GPC5: variants seen among roughly 807,000 people sequenced by gnomAD.
GPC5 encodes glypican 5, also known as glypican-5.
GPC5 carries 47 observed loss-of-function variants against 53.9 expected under a neutral mutation model. That is an observed-to-expected ratio of 0.87 (90% CI 0.69 to 1.11). GPC5 has a LOEUF of 1.11. Ranked by LOEUF, GPC5 falls within the 50% of genes most tolerant of loss-of-function variation. The pLI is 0.00. For missense variants in GPC5, 748 were observed against 713.1 expected, an observed-to-expected ratio of 1.05 and a Z score of -0.56; for synonymous variants, 286 against 263.3, an observed-to-expected ratio of 1.09 and a Z score of -0.84.
chr13:92,742,796 A>G (rs1297141151), intron 7 of GPC5, among the ~76,000 whole-genome samples: 1 of 152,124 alleles, frequency 6.6e-6, no homozygotes, highest in Non-Finnish European at 1.5e-5. Context: ...AGCTTTCTAC[A>G]TATGGCTAGC....
intron 6 of GPC5, among the ~76,000 whole-genome samples, chr13:92,102,438 GT>G: frequency 6.6e-6 from 1 of 152,256 alleles, no homozygotes; most frequent in East Asian, 1.9e-4. Flanking sequence ...GTAAGTAGCA[GT>G]TGGTTTTTCT....
At chr13:92,827,985 C>A (rs1017418275) in intron 7 of GPC5, among the ~76,000 whole-genome samples, 1 of 152,078 alleles carries the variant, frequency 6.6e-6, no homozygotes, top group Non-Finnish European at 1.5e-5. Flanking sequence ...CAGTCCTTCC[C>A]CTGTTACCTC....
chr13:92,405,264 G>A (rs1472093911), intron 7 of GPC5, among the ~76,000 whole-genome samples: 4 of 152,118 alleles, frequency 2.6e-5, no homozygotes, highest in African/African-American at 7.2e-5. Context: ...CACTCGCTAC[G>A]ACTGGGACAA....
intron 1 of GPC5, among the ~76,000 whole-genome samples, chr13:91,427,130 A>C (rs1879113172): frequency 6.6e-6 from 1 of 152,238 alleles, no homozygotes. Context: ...AGGACAGTGC[A>C]GAAGGAAAAT....
chr13:91,566,348 G>A (rs1183535695), intron 2 of GPC5, among the ~76,000 whole-genome samples: 1 of 152,062 alleles, frequency 6.6e-6, no homozygotes, highest in Non-Finnish European at 1.5e-5. Context: ...GGCAGATCAC[G>A]AGGTCAAGAG....
chr13:92,311,142 G>C (rs2043142551), intron 7 of GPC5, among the ~76,000 whole-genome samples: 2 of 152,074 alleles, frequency 1.3e-5, no homozygotes, highest in African/African-American at 2.4e-5. Context: ...TAAATCTATT[G>C]AACATATACG....
intron 2 of GPC5, among the ~76,000 whole-genome samples, chr13:91,585,312 A>G (rs1202537881): frequency 6.6e-6 from 1 of 152,222 alleles, no homozygotes; most frequent in Non-Finnish European, 1.5e-5. Flanking sequence ...AGAAATGCAT[A>G]TACATGAAGA....
chr13:91,901,203 G>T (rs527781590), intron 5 of GPC5, among the ~76,000 whole-genome samples: 18 of 151,790 alleles, frequency 1.2e-4, no homozygotes, highest in African/African-American at 4.3e-4. Flanking sequence ...CATTTATTTT[G>T]ACTTCATTAT....
chr13:92,746,577 C>T (rs1399567103), intron 7 of GPC5, among the ~76,000 whole-genome samples: 1 of 152,012 alleles, frequency 6.6e-6, no homozygotes, highest in Admixed American at 6.6e-5. Context: ...AACACTAATA[C>T]CCAATGTGTC....
chr13:92,410,403 A>G (rs1875990898), intron 7 of GPC5, among the ~76,000 whole-genome samples: 1 of 152,182 alleles, frequency 6.6e-6, no homozygotes, highest in South Asian at 2.1e-4. Context: ...GGTGCCATTT[A>G]CTAGGCACAC....
intron 7 of GPC5, among the ~76,000 whole-genome samples, chr13:92,187,884 T>A (rs867136659): frequency 6.6e-6 from 1 of 152,236 alleles, no homozygotes; most frequent in African/African-American, 2.4e-5. Context: ...TGACTAAATG[T>A]GAAATAAAGT....
rs1886288805 is a variant in GPC5, at chr13:91,530,375, A to T, written c.325+81453A>T. On this transcript the variant is annotated intron_variant, in intron 2 of 7. Transcript: ENST00000377067. ...CCATAGTGAGATAATTTACACCATG[A>T]CCAGCAGATGCTATAATAAATCAAG... 1.3e-5 allele frequency among the ~76,000 whole-genome samples: 2 copies of T among 152,170 alleles called. 1 individual carries two copies. Among genetic ancestry groups the T allele is most frequent in the Non-Finnish European group, 2.9e-5 (2 of 68,026 alleles).
At chr13:92,531,490 G>C (rs867816862) in intron 7 of GPC5, among the ~76,000 whole-genome samples, 4 of 150,168 alleles carry the variant, frequency 2.7e-5, no homozygotes, top group Non-Finnish European at 4.5e-5. Flanking sequence ...CATATAAAGA[G>C]ATATATGTTT....
At chr13:92,602,387 G>A (rs1884107898) in intron 7 of GPC5, among the ~76,000 whole-genome samples, 3 of 151,188 alleles carry the variant, frequency 2.0e-5, no homozygotes, top group Admixed American at 6.6e-5. Context: ...ATTCCAACTA[G>A]CTGTCTAATT....
chr13:91,597,165 C>T (rs1218726792), intron 2 of GPC5, among the ~76,000 whole-genome samples: 1 of 152,096 alleles, frequency 6.6e-6, no homozygotes, highest in Non-Finnish European at 1.5e-5. Context: ...GCATCCAGCA[C>T]CTTGAAAATC....
At chr13:91,715,410 T>G (rs1013114749) in intron 3 of GPC5, among the ~76,000 whole-genome samples, 7 of 152,232 alleles carry the variant, frequency 4.6e-5, no homozygotes, top group Non-Finnish European at 1.0e-4. Flanking sequence ...GCTGGATATA[T>G]TCTTGAAATA....
intron 7 of GPC5, among the ~76,000 whole-genome samples, chr13:92,630,704 T>G (rs1025612747): frequency 8.5e-5 from 13 of 152,148 alleles, no homozygotes; most frequent in African/African-American, 1.4e-4. Context: ...AAAATTTTTT[T>G]AAACCTGATT....
In GPC5 at chr13:92,451,491, A is replaced by T. The variant is rs543341528; in HGVS notation, c.1561+306502A>T. On this transcript the variant is annotated intron_variant, in intron 7 of 7. Coordinates refer to ENST00000377067, the MANE Select transcript of GPC5 (RefSeq NM_004466.6). ...GCTCAACACTTCAACAGATTAAAAA[A>T]AAAACACCGAAATAATTTTAGTGCC... Among the ~76,000 whole-genome samples, 151 of 152,300 alleles carry T rather than the reference A, an allele frequency of 9.9e-4. 1 individual carries two copies. Among genetic ancestry groups the T allele is most frequent in the Non-Finnish European group, 1.5e-3 (104 of 68,030 alleles).
chr13:92,685,142 G>A (rs1368968974), intron 7 of GPC5, among the ~76,000 whole-genome samples: 2 of 151,676 alleles, frequency 1.3e-5, no homozygotes, highest in African/African-American at 2.4e-5. Flanking sequence ...CCATGCTAGA[G>A]TGCAGTGGTG....
Sources: gnomAD v4.1 joint callset for allele counts (sites outside exome capture counted in the v4.1 genomes callset) on GRCh38, gnomAD v4.1.1 for gene constraint, MANE v1.5 for transcripts, NCBI Gene and HGNC (gene_info 2026-07-23, HGNC 2026-07-21) for gene names.